The following RIMS2 variants were observed in gnomAD, a reference collection of about 807,000 sequenced individuals.
RIMS2 encodes the protein regulating synaptic membrane exocytosis 2, also known as regulating synaptic membrane exocytosis protein 2.
In RIMS2, 59 loss-of-function variants were observed where a neutral mutation model predicts 174.4. That is an observed-to-expected ratio of 0.34 (90% CI 0.27 to 0.42). The LOEUF is 0.42. Ranked by LOEUF, RIMS2 falls within the 10% of genes least tolerant of loss-of-function variation. The pLI, the probability that RIMS2 is intolerant of heterozygous loss-of-function variation, is 1.00. For synonymous variants in RIMS2, 606 were observed against 572.5 expected (o/e 1.06, Z -0.84); for missense variants, 1,620 against 1,666.3 (o/e 0.97, Z 0.48).
At chr8:103,543,123 A>G (rs537211187) in intron 1 of RIMS2, among the ~76,000 whole-genome samples, 1 of 152,310 alleles carries the variant, frequency 6.6e-6, no homozygotes, top group Admixed American at 6.5e-5. Context: ...AGAAAACCCT[A>G]TAGACTCAGC....
At chr8:103,509,545 CAT>C (rs776592434) in intron 1 of RIMS2, among the ~76,000 whole-genome samples, 18 of 152,118 alleles carry the variant, frequency 1.2e-4, no homozygotes, top group East Asian at 5.8e-4. Flanking sequence ...ATGGAAATGA[CAT>C]GTGGAAGTTG....
intron 19 of RIMS2, among the ~76,000 whole-genome samples, chr8:104,187,084 T>C (rs2098972180): frequency 6.6e-6 from 1 of 151,966 alleles, no homozygotes; most frequent in African/African-American, 2.4e-5. Context: ...TCTCAAGTTA[T>C]ATGATTTTAA....
At chr8:103,657,290 C>T (rs2096542788) in intron 1 of RIMS2, among the ~76,000 whole-genome samples, 1 of 152,118 alleles carries the variant, frequency 6.6e-6, no homozygotes, top group African/African-American at 2.4e-5. Flanking sequence ...CCATCTGGAA[C>T]ACATAGCTTC....
chr8:104,223,484 C>G (rs2099166108), intron 19 of RIMS2: 1 of 1,379,330 alleles, frequency 7.2e-7, no homozygotes, highest in Non-Finnish European at 9.3e-7. Flanking sequence ...GCCAGGAAAG[C>G]CACGTCTCCT....
chr8:103,743,464 A>G (rs552533778), intron 2 of RIMS2, among the ~76,000 whole-genome samples: 19 of 152,294 alleles, frequency 1.2e-4, no homozygotes, highest in African/African-American at 4.6e-4. Context: ...ATTAGGATAA[A>G]AAAACCGCAT....
At chr8:104,236,713 C>T (rs190741834) in intron 19 of RIMS2, among the ~76,000 whole-genome samples, 129 of 151,362 alleles carry the variant, frequency 8.5e-4, no homozygotes, top group Middle Eastern at 6.8e-3. Context: ...AAAGAGCAGA[C>T]GAAAAGTAGT....
chr8:103,636,505 TGGGA>T (rs2096076966), intron 1 of RIMS2, among the ~76,000 whole-genome samples: 2 of 102,110 alleles, frequency 2.0e-5, no homozygotes, highest in Non-Finnish European at 4.3e-5. Flanking sequence ...GTTTCTCCCC[TGGGA>T]AGGGTCACTC....
chr8:104,083,411 C>T (rs762711148), intron 19 of RIMS2, among the ~76,000 whole-genome samples: 16 of 152,154 alleles, frequency 1.1e-4, no homozygotes, highest in Admixed American at 2.6e-4. Context: ...TCTGTTGCAA[C>T]TTTTGGGATG....
intron 16 of RIMS2, among the ~76,000 whole-genome samples, chr8:103,984,215 A>AG (rs2094168883): frequency 6.6e-6 from 1 of 152,112 alleles, no homozygotes; most frequent in South Asian, 2.1e-4. Flanking sequence ...AAGGGATCAT[A>AG]TCAAGTTAAA....
chr8:103,904,952 T>C (rs2074053614), intron 4 of RIMS2, among the ~76,000 whole-genome samples: 1 of 152,078 alleles, frequency 6.6e-6, no homozygotes. Context: ...ATATATTACA[T>C]GTACACAACT....
intron 3 of RIMS2, among the ~76,000 whole-genome samples, chr8:103,791,726 A>T (rs553859588): frequency 7.2e-5 from 11 of 152,182 alleles, no homozygotes; most frequent in Non-Finnish European, 1.6e-4. Flanking sequence ...ATGGAGGAAG[A>T]TCTACCAAGC....
chr8:104,059,828 C>G lies in RIMS2; in HGVS notation c.3334+45213C>G, dbSNP rs1181930462. ...CCTTTTCTGCATCTATTGAAATAAT[C>G]ATGTGGTTTTTGTCTTTTGTTCTGT... On this transcript the variant is annotated intron_variant, in intron 19 of 23. Transcript: ENST00000504942. Among the ~76,000 whole-genome samples, 6 of 152,244 alleles carry G rather than the reference C, an allele frequency of 3.9e-5. No individual in the cohort carries two copies. In the East Asian group the frequency reaches 9.7e-4, roughly 25 times the overall value.
At chr8:104,168,556 G>A (rs1163709217) in intron 19 of RIMS2, among the ~76,000 whole-genome samples, 2 of 152,090 alleles carry the variant, frequency 1.3e-5, no homozygotes, top group African/African-American at 4.8e-5. Flanking sequence ...AGATCTAGGA[G>A]CTTTTTGGAT....
At chr8:103,500,624 T>C, upstream of RIMS2, 1 of 393,236 alleles carries the variant, frequency 2.5e-6, no homozygotes, top group Non-Finnish European at 4.5e-6. Context: ...CCCCTTTCCC[T>C]TGAACCGCTC....
intron 1 of RIMS2, among the ~76,000 whole-genome samples, chr8:103,597,886 T>C (rs530001738): frequency 6.6e-6 from 1 of 152,258 alleles, no homozygotes; most frequent in African/African-American, 2.4e-5. Flanking sequence ...AACAAAGATG[T>C]AAATTGAAAA....
At chr8:104,223,862 C>G in intron 19 of RIMS2, 1 of 1,333,948 alleles carries the variant, frequency 7.5e-7, no homozygotes, top group Non-Finnish European at 1.0e-6. Flanking sequence ...GAGGGTTGGC[C>G]GGGGCAGAGA....
chr8:104,212,108 G>A (rs907381750), intron 19 of RIMS2, among the ~76,000 whole-genome samples: 1 of 152,200 alleles, frequency 6.6e-6, no homozygotes, highest in Admixed American at 6.5e-5. Flanking sequence ...GAAAGAAATC[G>A]AGAGTAGATT....
At chr8:103,876,876 A>ATATAT (rs2099141588) in intron 3 of RIMS2, among the ~76,000 whole-genome samples, 2 of 27,948 alleles carry the variant, frequency 7.2e-5, no homozygotes, top group Non-Finnish European at 1.5e-4. Flanking sequence ...ATATATATAT[A>ATATAT]TATATATATA....
intron 1 of RIMS2, among the ~76,000 whole-genome samples, chr8:103,660,436 G>A: frequency 6.6e-6 from 1 of 152,170 alleles, no homozygotes; most frequent in African/African-American, 2.4e-5. Flanking sequence ...CAGACTGTCT[G>A]CCTCGAGGCT....
Sources: gnomAD v4.1 joint callset for allele counts (sites outside exome capture counted in the v4.1 genomes callset) on GRCh38, gnomAD v4.1.1 for gene constraint, MANE v1.5 for transcripts, NCBI Gene and HGNC (gene_info 2026-07-23, HGNC 2026-07-21) for gene names.